The following EFCAB6 variants were observed in gnomAD, a reference collection of about 807,000 sequenced individuals.
EFCAB6 encodes EF-hand calcium-binding domain-containing protein 6.
In EFCAB6, 156 loss-of-function variants were observed where a neutral mutation model predicts 169.8. That is an observed-to-expected ratio of 0.92 (90% CI 0.81 to 1.05). The LOEUF (loss-of-function observed/expected upper bound fraction) is 1.05, where lower values mean the gene tolerates loss of function less well. Among genes scored for constraint, EFCAB6 ranks in the 50% least tolerant of loss-of-function variants. The pLI, the probability that EFCAB6 is intolerant of heterozygous loss-of-function variation, is 0.00. For synonymous variants in EFCAB6, 698 were observed against 676.4 expected (o/e 1.03, Z -0.50); for missense variants, 1,800 against 1,829.1 (o/e 0.98, Z 0.29).
intron 10 of EFCAB6, among the ~76,000 whole-genome samples, chr22:43,693,712 T>C (rs1432258862): frequency 6.6e-6 from 1 of 151,886 alleles, no homozygotes; most frequent in Non-Finnish European, 1.5e-5. Context: ...CTCTGTACTG[T>C]CTTTACAATA....
At chr22:43,634,499 T>C (rs1304635536) in intron 18 of EFCAB6, among the ~76,000 whole-genome samples, 1 of 152,200 alleles carries the variant, frequency 6.6e-6, no homozygotes, top group African/African-American at 2.4e-5. Context: ...CTGCAGGGTA[T>C]GTGCAGCAAA....
chr22:43,574,097 T>G (rs1490780924), intron 26 of EFCAB6, among the ~76,000 whole-genome samples: 8 of 151,854 alleles, frequency 5.3e-5, no homozygotes, highest in Non-Finnish European at 8.8e-5. Context: ...GAGATTTACA[T>G]GCAAAGTGCT....
At chr22:43,670,659 T>A (rs914543006) in intron 15 of EFCAB6, among the ~76,000 whole-genome samples, 1 of 152,250 alleles carries the variant, frequency 6.6e-6, no homozygotes, top group African/African-American at 2.4e-5. Flanking sequence ...TAAATATTCA[T>A]GTGGCTACGT....
At chr22:43,760,692 T>C (rs1393736387) in intron 5 of EFCAB6, among the ~76,000 whole-genome samples, 1 of 147,226 alleles carries the variant, frequency 6.8e-6, no homozygotes, top group Non-Finnish European at 1.5e-5. Context: ...GGAGTCTCAC[T>C]CTGTTGCCTA....
chr22:43,627,683 C>T (rs1042769956), intron 19 of EFCAB6, among the ~76,000 whole-genome samples: 7 of 152,288 alleles, frequency 4.6e-5, no homozygotes, highest in African/African-American at 7.2e-5. Context: ...CTCGTTCCAT[C>T]GGCACCTGAT....
At chr22:43,690,343 CAAA>C (rs137802) in intron 10 of EFCAB6, among the ~76,000 whole-genome samples, 5 of 95,842 alleles carry the variant, frequency 5.2e-5, no homozygotes, top group Non-Finnish European at 8.0e-5. Context: ...ACTAAAAATA[CAAA>C]AAAAAAAAAA....
At chr22:43,758,881 CT>C (rs1476543362) in intron 5 of EFCAB6, among the ~76,000 whole-genome samples, 2 of 152,200 alleles carry the variant, frequency 1.3e-5, no homozygotes, top group Middle Eastern at 3.4e-3. Context: ...TCAAATTAAC[CT>C]TTAGAGGCAT....
At chr22:43,716,993 C>T (rs370207202) in intron 8 of EFCAB6, 21 bp from the exon 9 acceptor site, 39 of 1,467,256 alleles carry the variant, frequency 2.7e-5, no homozygotes, top group South Asian at 1.3e-4. Flanking sequence ...AAAATAGCTT[C>T]GGCTTATCAA....
chr22:43,629,055 G>A (rs1250074492), intron 19 of EFCAB6, among the ~76,000 whole-genome samples: 2 of 152,166 alleles, frequency 1.3e-5, no homozygotes, highest in Non-Finnish European at 2.9e-5. Flanking sequence ...GGTCCTCACT[G>A]TCTATCTACT....
intron 23 of EFCAB6, among the ~76,000 whole-genome samples, chr22:43,591,458 T>TAAA (rs35033134): frequency 3.5e-5 from 3 of 84,938 alleles, no homozygotes; most frequent in Non-Finnish European, 5.1e-5. Context: ...CTCTGTCTTA[T>TAAA]AAAAAAAAAA....
At chr22:43,554,604 A>C in intron 27 of EFCAB6, 2 of 465,642 alleles carry the variant, frequency 4.3e-6, no homozygotes, top group Non-Finnish European at 7.8e-6. Context: ...GGAAGGGAGA[A>C]GGAGTGTGGG....
At chr22:43,703,352 T>C (rs896454028) in intron 10 of EFCAB6, among the ~76,000 whole-genome samples, 5 of 152,286 alleles carry the variant, frequency 3.3e-5, no homozygotes, top group Admixed American at 3.3e-4. Context: ...GACTGAATAA[T>C]GAATATCTAT....
chr22:43,745,377 C>T (rs1378159058), intron 6 of EFCAB6, among the ~76,000 whole-genome samples: 1 of 152,220 alleles, frequency 6.6e-6, no homozygotes, highest in Non-Finnish European at 1.5e-5. Flanking sequence ...CTTCATGCCA[C>T]AGCATAACCC....
intron 22 of EFCAB6, among the ~76,000 whole-genome samples, chr22:43,603,235 A>G (rs1461063550): frequency 1.3e-5 from 2 of 152,252 alleles, no homozygotes; most frequent in Non-Finnish European, 2.9e-5. Flanking sequence ...AAGGAACAGA[A>G]GACTAGATTG....
intron 8 of EFCAB6, among the ~76,000 whole-genome samples, chr22:43,721,832 G>A (rs2059538857): frequency 6.6e-6 from 1 of 152,092 alleles, no homozygotes; most frequent in African/African-American, 2.4e-5. Flanking sequence ...CATCAGCCTT[G>A]GCAAAGAATG....
In EFCAB6 at chr22:43,635,147, C is replaced by T. The variant is rs141483316; in HGVS notation, c.2053G>A (p.Glu685Lys). 990 of 1,614,148 alleles carry T rather than the reference C, an allele frequency of 6.1e-4. 5 individuals carry two copies. In the African/African-American group the frequency reaches 0.012, roughly 19 times the overall value. ...TCAAGATAGCTCATCCCTTCCTTCTCGAAGCCTATTTTAGTGGTCAGCAGG... is the reference window on the plus strand; with the variant it reads ...TCAAGATAGCTCATCCCTTCCTTCTTGAAGCCTATTTTAGTGGTCAGCAGG... ...YALLTTKIGFEKEGMSYLDFA... is the reference protein window; with the variant it reads ...YALLTTKIGFKKEGMSYLDFA... The change falls in exon 18 of 32, where the codon GAG (glutamate) becomes AAG (lysine). Residue 685 changes from glutamate to lysine, a missense_variant. Coordinates refer to ENST00000262726, the MANE Select transcript of EFCAB6 (RefSeq NM_022785.4).
chr22:43,588,464 A>C (rs991213446), intron 24 of EFCAB6, among the ~76,000 whole-genome samples: 1 of 152,222 alleles, frequency 6.6e-6, no homozygotes, highest in Admixed American at 6.5e-5. Flanking sequence ...TAGAAATATA[A>C]GTATGGTAGC....
At chr22:43,579,326 G>A (rs960010056) in intron 25 of EFCAB6, among the ~76,000 whole-genome samples, 3 of 148,150 alleles carry the variant, frequency 2.0e-5, no homozygotes, top group East Asian at 2.0e-4. Flanking sequence ...TTCTCTACAC[G>A]CAGGTATCAT....
chr22:43,618,124 A>C (rs533328663), intron 20 of EFCAB6, among the ~76,000 whole-genome samples: 2 of 136,516 alleles, frequency 1.5e-5, no homozygotes, highest in Middle Eastern at 3.6e-3. Flanking sequence ...TCAAAAAAAA[A>C]AAAGAAAGAG....
Sources: allele counts gnomAD v4.1 joint callset (sites outside exome capture counted in the v4.1 genomes callset), GRCh38; gene constraint gnomAD v4.1.1; transcripts MANE v1.5; gene names NCBI Gene and HGNC (gene_info 2026-07-23, HGNC 2026-07-21).